The following FOXP2 variants were observed in gnomAD, a reference collection of about 807,000 sequenced individuals.
The protein encoded by FOXP2 is forkhead box protein P2.
In FOXP2, 12 loss-of-function variants were observed where a neutral mutation model predicts 115.8. The observed-to-expected ratio is 0.10, with a 90% CI of 0.07 to 0.17. The LOEUF is 0.17. Among genes scored for constraint, FOXP2 ranks in the 10% least tolerant of loss-of-function variants. The pLI, the probability that FOXP2 is intolerant of heterozygous loss-of-function variation, is 1.00. For synonymous variants in FOXP2, 328 were observed against 297.7 expected, an observed-to-expected ratio of 1.10 and a Z score of -1.05; for missense variants, 629 against 843.5, an observed-to-expected ratio of 0.75 and a Z score of 3.15.
intron 2 of FOXP2, among the ~76,000 whole-genome samples, chr7:114,435,430 T>A (rs573813284): frequency 1.3e-5 from 2 of 152,142 alleles, no homozygotes; most frequent in Non-Finnish European, 2.9e-5. Flanking sequence ...AGTGTTTGGA[T>A]GCACTTCATA....
intron 2 of FOXP2, among the ~76,000 whole-genome samples, chr7:114,475,943 C>A (rs1312445670): frequency 2.0e-5 from 3 of 151,898 alleles, no homozygotes; most frequent in Non-Finnish European, 2.9e-5. Flanking sequence ...CATCACACAA[C>A]CATGTAACAA....
intron 1 of FOXP2, among the ~76,000 whole-genome samples, chr7:114,165,654 A>C (rs1181237868): frequency 6.6e-6 from 1 of 152,200 alleles, no homozygotes; most frequent in African/African-American, 2.4e-5. Context: ...GTCCCTTTTC[A>C]TGGATAGATG....
intron 2 of FOXP2, among the ~76,000 whole-genome samples, chr7:114,310,121 A>G (rs1797111729): frequency 6.6e-6 from 1 of 152,196 alleles, no homozygotes; most frequent in Non-Finnish European, 1.5e-5. Flanking sequence ...GAGCTGAGTA[A>G]GTAAGCAGCA....
At chr7:114,306,341 C>T (rs1010315545) in intron 2 of FOXP2, among the ~76,000 whole-genome samples, 4 of 152,100 alleles carry the variant, frequency 2.6e-5, no homozygotes, top group Non-Finnish European at 5.9e-5. Flanking sequence ...CAAATGGATC[C>T]TGTGCACACA....
At chr7:114,549,563 C>T (rs1237160638) in intron 3 of FOXP2, among the ~76,000 whole-genome samples, 1 of 152,142 alleles carries the variant, frequency 6.6e-6, no homozygotes, top group Non-Finnish European at 1.5e-5. Context: ...TATTCTTGGA[C>T]ATGTTTGTCA....
chr7:114,187,718 C>T (rs943491489), intron 1 of FOXP2, among the ~76,000 whole-genome samples: 1 of 152,158 alleles, frequency 6.6e-6, no homozygotes, highest in African/African-American at 2.4e-5. Flanking sequence ...ATTCGTGATA[C>T]CAGTTTTTGT....
At chr7:114,293,006 T>C (rs1006663400) in intron 2 of FOXP2, among the ~76,000 whole-genome samples, 2 of 152,176 alleles carry the variant, frequency 1.3e-5, no homozygotes, top group Non-Finnish European at 2.9e-5. Flanking sequence ...TGAGAATCCA[T>C]TACAACTTAC....
intron 1 of FOXP2, among the ~76,000 whole-genome samples, chr7:114,144,053 T>C (rs890709199): frequency 1.3e-5 from 2 of 152,168 alleles, no homozygotes; most frequent in Non-Finnish European, 2.9e-5. Context: ...TATTCAACAC[T>C]TTATTATAAA....
intron 1 of FOXP2, among the ~76,000 whole-genome samples, chr7:114,119,665 T>C (rs548691689): frequency 6.6e-6 from 1 of 152,158 alleles, no homozygotes; most frequent in Non-Finnish European, 1.5e-5. Flanking sequence ...GAGCCATGAT[T>C]GCACCACTGC....
intron 1 of FOXP2, among the ~76,000 whole-genome samples, chr7:114,248,079 C>A (rs1795334570): frequency 6.6e-6 from 1 of 151,722 alleles, no homozygotes; most frequent in South Asian, 2.1e-4. Context: ...AATATGAGGA[C>A]CTGAGAACGA....
intron 2 of FOXP2, among the ~76,000 whole-genome samples, chr7:114,345,651 G>A (rs557893229): frequency 1.3e-5 from 2 of 151,698 alleles, no homozygotes; most frequent in East Asian, 1.9e-4. Flanking sequence ...ATTAATGGCC[G>A]ATTCTGTTTA....
At chr7:114,636,968 G>A (rs945479200) in intron 6 of FOXP2, among the ~76,000 whole-genome samples, 6 of 152,046 alleles carry the variant, frequency 3.9e-5, no homozygotes, top group African/African-American at 1.4e-4. Flanking sequence ...CAGCCCAGGC[G>A]TTCAAGACTA....
At chr7:114,471,387 C>A (rs1270120125) in intron 2 of FOXP2, among the ~76,000 whole-genome samples, 1 of 152,126 alleles carries the variant, frequency 6.6e-6, no homozygotes, top group Non-Finnish European at 1.5e-5. Flanking sequence ...CATTTCCCAC[C>A]ATAACATGAC....
intron 2 of FOXP2, among the ~76,000 whole-genome samples, chr7:114,304,067 C>T (rs1045939779): frequency 2.0e-5 from 3 of 151,868 alleles, no homozygotes; most frequent in Non-Finnish European, 2.9e-5. Context: ...CAAATAGGTA[C>T]GTGGATTTAT....
chr7:114,692,156 A>T lies in FOXP2; in HGVS notation c.*2230A>T, dbSNP rs879718343. Reference sequence around the variant, plus strand: ...CTGTAAGGATTATCTGAAAGGAAAAATGGGTCTTTCAGGTGCATGTTCAAA... The same window carrying T: ...CTGTAAGGATTATCTGAAAGGAAAATTGGGTCTTTCAGGTGCATGTTCAAA... On this transcript the variant is annotated 3_prime_UTR_variant, in exon 17 of 17. Transcript: ENST00000350908. 1.3e-5 allele frequency: 6 copies of T among 453,914 alleles called. No homozygotes were observed. Among genetic ancestry groups the T allele is most frequent in the Admixed American group, 1.2e-4 (5 of 42,532 alleles). The allele number at this position is 453,914 out of a possible 1,614,324, so 28.1% of individuals were successfully genotyped here. A position where few individuals can be genotyped will look rare whatever the true frequency, so the allele number is the denominator to read the frequency against.
chr7:114,351,354 C>T (rs1375285435), intron 2 of FOXP2, among the ~76,000 whole-genome samples: 1 of 151,972 alleles, frequency 6.6e-6, no homozygotes. Context: ...AACTATGTTG[C>T]ATATTAAATG....
chr7:114,424,473 T>C (rs1347396051), intron 1 of FOXP2, among the ~76,000 whole-genome samples: 3 of 151,566 alleles, frequency 2.0e-5, no homozygotes, highest in Non-Finnish European at 3.0e-5. Flanking sequence ...GTAAAAGTTA[T>C]GCCTATCTGT....
intron 8 of FOXP2, among the ~76,000 whole-genome samples, chr7:114,649,577 GTCATAAAT>G (rs1563058756): frequency 1.3e-5 from 2 of 152,060 alleles, no homozygotes; most frequent in South Asian, 2.1e-4. Context: ...GCACAAAATA[GTCATAAAT>G]TCATAAATTC....
intron 1 of FOXP2, among the ~76,000 whole-genome samples, chr7:114,145,269 C>T (rs57413486): frequency 0.12 from 18,724 of 152,056 alleles, 1,456 homozygotes; most frequent in East Asian, 0.23. Flanking sequence ...ACAATTAAGA[C>T]ATTGATCAGT....
Sources: gnomAD v4.1 joint callset for allele counts (sites outside exome capture counted in the v4.1 genomes callset) on GRCh38, gnomAD v4.1.1 for gene constraint, MANE v1.5 for transcripts, NCBI Gene and HGNC (gene_info 2026-07-23, HGNC 2026-07-21) for gene names.